The following AKAIN1 variants were observed in gnomAD, a reference collection of about 807,000 sequenced individuals.
AKAIN1 encodes the protein A-kinase anchor protein inhibitor 1.
In AKAIN1, 3 loss-of-function variants were observed where a neutral mutation model predicts 3.7. That is an observed-to-expected ratio of 0.82 (90% CI 0.37 to 2.12). The LOEUF is 2.12. AKAIN1 is among the 30% of genes most tolerant of loss of function. The pLI is 0.06. For missense variants in AKAIN1, 82 were observed against 82.7 expected (o/e 0.99, Z 0.03); for synonymous variants, 31 against 30.8 (o/e 1.01, Z -0.02).
At chr18:5,185,053 C>G (rs1207664807) in intron 1 of AKAIN1, among the ~76,000 whole-genome samples, 1 of 152,104 alleles carries the variant, frequency 6.6e-6, no homozygotes, top group East Asian at 1.9e-4. Flanking sequence ...ACACCTACCA[C>G]CACCTGATCT....
At chr18:5,154,508 AG>A (rs1323739447) in intron 1 of AKAIN1, among the ~76,000 whole-genome samples, 1 of 152,044 alleles carries the variant, frequency 6.6e-6, no homozygotes. Flanking sequence ...TTTTTCTTGC[AG>A]TCAGTAGGAA....
At chr18:5,158,473 AC>A (rs1402068861) in intron 1 of AKAIN1, among the ~76,000 whole-genome samples, 1 of 152,142 alleles carries the variant, frequency 6.6e-6, no homozygotes, top group Admixed American at 6.5e-5. Flanking sequence ...AAAATGTTAC[AC>A]CCAGTTCATC....
intron 1 of AKAIN1, among the ~76,000 whole-genome samples, chr18:5,183,262 G>A (rs564211013): frequency 6.8e-4 from 104 of 151,910 alleles, no homozygotes; most frequent in Non-Finnish European, 2.6e-4. Flanking sequence ...AAAATAATAT[G>A]CATGTCAGGA....
chr18:5,195,150 A>AG (rs1025143295), intron 1 of AKAIN1, among the ~76,000 whole-genome samples: 2 of 151,790 alleles, frequency 1.3e-5, no homozygotes, highest in African/African-American at 4.8e-5. Context: ...GAAGTGATGA[A>AG]AAAAAAAGTT....
At chr18:5,189,971 C>A (rs2071310056) in intron 1 of AKAIN1, among the ~76,000 whole-genome samples, 1 of 152,140 alleles carries the variant, frequency 6.6e-6, no homozygotes, top group Non-Finnish European at 1.5e-5. Flanking sequence ...TACCAAAATA[C>A]AACAGACTTA....
chr18:5,181,885 A>G (rs1213330511), intron 1 of AKAIN1, among the ~76,000 whole-genome samples: 1 of 152,148 alleles, frequency 6.6e-6, no homozygotes, highest in East Asian at 1.9e-4. Context: ...ATACCTCACA[A>G]TACAAATTGA....
intron 1 of AKAIN1, among the ~76,000 whole-genome samples, chr18:5,148,552 G>A (rs1431265136): frequency 6.6e-6 from 1 of 152,186 alleles, no homozygotes; most frequent in African/African-American, 2.4e-5. Context: ...GCAGCCATAT[G>A]TCTTTCTGAA....
chr18:5,145,274 T>C lies in AKAIN1; in HGVS notation c.*288A>G. On this transcript the variant is annotated 3_prime_UTR_variant, in exon 2 of 2. Transcript: ENST00000434239. ...AATAAACGAGACATAGAATTCTTTT[T>C]TTCAAATAAAAGAACTTTAAAAATA... 1 of 276,046 alleles carries C rather than the reference T, an allele frequency of 3.6e-6. No individual in the cohort carries two copies. Among genetic ancestry groups the C allele is most frequent in the Admixed American group, 4.7e-5 (1 of 21,158 alleles). The allele number at this position is 276,046 out of a possible 1,614,324, so 17.1% of individuals were successfully genotyped here. A position where few individuals can be genotyped will look rare whatever the true frequency, so the allele number is the denominator to read the frequency against.
At chr18:5,152,417 A>T (rs1306852825) in intron 1 of AKAIN1, among the ~76,000 whole-genome samples, 1 of 152,078 alleles carries the variant, frequency 6.6e-6, no homozygotes, top group Non-Finnish European at 1.5e-5. Context: ...TGACCAATCA[A>T]CTATCTCCAA....
chr18:5,156,537 CT>C (rs1217027458), intron 1 of AKAIN1, among the ~76,000 whole-genome samples: 2 of 152,176 alleles, frequency 1.3e-5, no homozygotes, highest in Non-Finnish European at 2.9e-5. Context: ...AGCTCCCAAC[CT>C]TTTGAAGACG....
intron 1 of AKAIN1, among the ~76,000 whole-genome samples, chr18:5,149,831 G>C (rs1469796310): frequency 6.6e-6 from 1 of 152,074 alleles, no homozygotes; most frequent in Non-Finnish European, 1.5e-5. Context: ...ATACCAGGCA[G>C]TGTTTTATTT....
chr18:5,153,414 A>C (rs886079211), intron 1 of AKAIN1, among the ~76,000 whole-genome samples: 1 of 150,030 alleles, frequency 6.7e-6, no homozygotes, highest in Non-Finnish European at 1.5e-5. Flanking sequence ...GTCAATTAAG[A>C]AAGTGTGATA....
intron 1 of AKAIN1, among the ~76,000 whole-genome samples, chr18:5,195,623 C>T (rs943933036): frequency 2.0e-5 from 3 of 152,158 alleles, no homozygotes; most frequent in Non-Finnish European, 2.9e-5. Flanking sequence ...CTGGAACCAG[C>T]CTCCCTGGGG....
At chr18:5,176,662 G>A (rs1194773099) in intron 1 of AKAIN1, among the ~76,000 whole-genome samples, 2 of 152,088 alleles carry the variant, frequency 1.3e-5, no homozygotes, top group Non-Finnish European at 1.5e-5. Context: ...AAAAGGATGA[G>A]ACACATCTCT....
rs1021098933 is a variant in AKAIN1, at chr18:5,197,257, T to A, written c.-204A>T. 3.3e-5 allele frequency: 46 copies of A among 1,373,782 alleles called. No homozygotes were observed. The highest frequency in any genetic ancestry group is 3.8e-5 in the Admixed American group (1 of 26,514). 85.1% of individuals were successfully genotyped at this position (1,373,782 alleles called of 1,614,324 possible). On this transcript the variant is annotated 5_prime_UTR_variant, in exon 1 of 2. Transcript: ENST00000434239. The surrounding 1 kb of genome is among the most constrained non-coding windows in gnomAD (Gnocchi z 6.9). ...GCCGCCGCGCGCTCTGCCTCCACAA[T>A]GCGGCCACAGCGGCGGCGGGAGGAG...
chr18:5,187,561 A>G (rs929007231), intron 1 of AKAIN1, among the ~76,000 whole-genome samples: 7 of 152,230 alleles, frequency 4.6e-5, no homozygotes, highest in South Asian at 2.1e-4. Flanking sequence ...TTTTGTCAGG[A>G]GCCCACTCCT....
intron 1 of AKAIN1, among the ~76,000 whole-genome samples, chr18:5,153,290 T>C (rs1234052799): frequency 6.6e-6 from 1 of 151,150 alleles, no homozygotes; most frequent in Non-Finnish European, 1.5e-5. Context: ...AAGATGCTTA[T>C]TGAGTTATTT....
At chr18:5,151,178 G>A (rs1567871379) in intron 1 of AKAIN1, among the ~76,000 whole-genome samples, 1 of 152,158 alleles carries the variant, frequency 6.6e-6, no homozygotes, top group Non-Finnish European at 1.5e-5. Context: ...AAACAGGGAG[G>A]AATTATTTTA....
intron 1 of AKAIN1, chr18:5,163,616 A>T (rs930146087): frequency 2.0e-5 from 3 of 152,052 alleles, no homozygotes; most frequent in African/African-American, 2.4e-5. Context: ...TTATCTATGG[A>T]AACATTTCCC....
Sources: allele counts gnomAD v4.1 joint callset (sites outside exome capture counted in the v4.1 genomes callset), GRCh38; gene constraint gnomAD v4.1.1; non-coding constraint Gnocchi (gnomAD v3.1); transcripts MANE v1.5; gene names NCBI Gene and HGNC (gene_info 2026-07-23, HGNC 2026-07-21).